Variants in FBN1 observed in about 807,000 individuals in gnomAD.
FBN1 encodes the protein fibrillin-1.
In FBN1, 29 loss-of-function variants were observed where a neutral mutation model predicts 365.1. The ratio of observed to expected loss-of-function variants is 0.08; its 90% confidence interval spans 0.06 to 0.11. The LOEUF (loss-of-function observed/expected upper bound fraction) is 0.11. Ranked by LOEUF, FBN1 falls within the 10% of genes least tolerant of loss-of-function variation. FBN1 has a pLI of 1.00. For synonymous variants in FBN1, 1,210 were observed against 1,270.5 expected (o/e 0.95, Z 1.01); for missense variants, 2,476 against 3,703.2 (o/e 0.67, Z 8.60).
chr15:48,472,905 G>A (rs556522497), intron 34 of FBN1, among the ~76,000 whole-genome samples: 12 of 152,276 alleles, frequency 7.9e-5, no homozygotes, highest in African/African-American at 2.4e-4. Flanking sequence ...TGAATAAGCC[G>A]AAGGAATCAT....
intron 27 of FBN1, 136 bp downstream of exon 27, chr15:48,487,977 C>G (rs989775215): frequency 1.8e-6 from 2 of 1,136,088 alleles, no homozygotes; most frequent in Non-Finnish European, 2.6e-6. Flanking sequence ...ACCTCAGTCT[C>G]CCTCTGTTGC....
At position 48,450,206 on chromosome 15, in the gene FBN1, T is replaced by C. The variant is rs1031260861; in HGVS notation, c.5546-1313A>G. On this transcript the variant is annotated intron_variant, in intron 45 of 65. Coordinates refer to ENST00000316623, the MANE Select transcript of FBN1 (RefSeq NM_000138.5). ...AGGAAGGGTGTCTCAGGTCCTACCATAGTTGGCCCAAAACTTTGGCACCTT... is the reference window on the plus strand; with the variant it reads ...AGGAAGGGTGTCTCAGGTCCTACCACAGTTGGCCCAAAACTTTGGCACCTT... Among the ~76,000 whole-genome samples the C allele has an allele frequency of 7.9e-5, 12 of 152,252 alleles. No homozygotes were observed. In the South Asian group the frequency reaches 1.9e-3, roughly 24 times the overall value.
At chr15:48,605,178 G>T (rs2044597488) in intron 4 of FBN1, among the ~76,000 whole-genome samples, 1 of 152,042 alleles carries the variant, frequency 6.6e-6, no homozygotes, top group Non-Finnish European at 1.5e-5. Flanking sequence ...TTACAGAAAA[G>T]AACTAGAATA....
In FBN1 at chr15:48,448,788, T is replaced by A; in HGVS notation, c.5651A>T (p.Asp1884Val). The part of the protein sequence containing the change: ...CLCHTGFKTN[D>V]DQTMCLDINE... ...CTTACCCAAGCACATGGTTTGGTCA[T>A]CATTTGTTTTAAAACCAGTGTGGCA... Residue 1884 changes from aspartate (D) to valine (V), a missense_variant, in exon 46 of 66, where the codon GAT (aspartate) becomes GTT (valine). By Grantham distance (152) the Asp-to-Val change is radical (BLOSUM62 -3). This residue lies in a region of FBN1 where 1,780 missense variants were observed against 2,840.8 expected (regional missense o/e 0.63). Coordinates refer to ENST00000316623, the MANE Select transcript of FBN1 (RefSeq NM_000138.5). 1 of 1,612,994 alleles carries A rather than the reference T, an allele frequency of 6.2e-7. No homozygotes were observed. Among genetic ancestry groups the A allele is most frequent in the Non-Finnish European group, 8.5e-7 (1 of 1,179,254 alleles).
intron 16 of FBN1, 102 bp from the exon 17 acceptor site, chr15:48,504,041 G>C: frequency 1.5e-6 from 2 of 1,369,756 alleles, no homozygotes; most frequent in Non-Finnish European, 2.1e-6. Flanking sequence ...CATCCCTGGT[G>C]TAACTCACAG....
intron 6 of FBN1, among the ~76,000 whole-genome samples, chr15:48,562,634 G>T (rs561563658): frequency 7.9e-5 from 12 of 152,244 alleles, no homozygotes; most frequent in African/African-American, 2.9e-4. Flanking sequence ...CTATTTTTTA[G>T]AGATTGCACT....
chr15:48,549,236 T>A (rs1398883316), intron 6 of FBN1, among the ~76,000 whole-genome samples: 1 of 152,218 alleles, frequency 6.6e-6, no homozygotes, highest in Non-Finnish European at 1.5e-5. Flanking sequence ...ATAAATCACA[T>A]CTGCAAGTTC....
chr15:48,520,837 T>A lies in FBN1; in HGVS notation c.989-20A>T. ...GAACATCTGAGGACAAAGAAACACA[T>A]ACACACACACACATCGCTGAGATAA... On this transcript the variant is annotated intron_variant, in intron 9 of 65. Coordinates refer to ENST00000316623, the MANE Select transcript of FBN1 (RefSeq NM_000138.5). The A allele has an allele frequency of 6.2e-7, 1 of 1,612,742 alleles. No homozygotes were observed. Among genetic ancestry groups the A allele is most frequent in the Non-Finnish European group, 8.5e-7 (1 of 1,179,140 alleles).
chr15:48,615,447 T>G (rs1225650368), intron 2 of FBN1, among the ~76,000 whole-genome samples: 1 of 152,140 alleles, frequency 6.6e-6, no homozygotes, highest in Non-Finnish European at 1.5e-5. Context: ...TTCTAAAGAT[T>G]TTCCAAGGAA....
intron 6 of FBN1, among the ~76,000 whole-genome samples, chr15:48,584,125 T>C (rs2044417723): frequency 6.6e-6 from 1 of 152,196 alleles, no homozygotes. Context: ...TTTAAAATAG[T>C]TAACATTTCT....
At position 48,465,816 on chromosome 15, in the gene FBN1, G is replaced by A; in HGVS notation, c.4790C>T (p.Pro1597Leu). The stretch of plus-strand genomic sequence containing the variant: ...TTCCAATATAACGGTGATAGGATTT[G>A]GTCGGAAACCTTCCCCTCCAGGACA... ...ILCPGGEGFRPNPITVILEDI... is the reference protein window; with the variant it reads ...ILCPGGEGFRLNPITVILEDI... The change falls in exon 39 of 66, where the codon CCA becomes CTA. Residue 1597 changes from proline (P) to leucine (L), a missense_variant. Pro to Leu is a moderately conservative substitution (Grantham distance 98). This residue lies in a region of FBN1 where 1,780 missense variants were observed against 2,840.8 expected (regional missense o/e 0.63). Coordinates refer to ENST00000316623, the MANE Select transcript of FBN1 (RefSeq NM_000138.5). The A allele has an allele frequency of 6.2e-7, 1 of 1,613,778 alleles. No homozygotes were observed. The highest frequency in any genetic ancestry group is 8.5e-7 in the Non-Finnish European group (1 of 1,179,710).
intron 60 of FBN1, among the ~76,000 whole-genome samples, chr15:48,422,921 C>T (rs566943426): frequency 5.7e-4 from 87 of 151,982 alleles, no homozygotes; most frequent in African/African-American, 2.0e-3. Context: ...AGTGAAACTT[C>T]GTCTCAAAAC....
At position 48,520,699 on chromosome 15, in the gene FBN1, C is replaced by T. The variant is rs767400389; in HGVS notation, c.1107G>A (p.Gly369=). ...CCDAGRCWSP[G]VTVAPEMCPI... Reference sequence around the variant, plus strand: ...GACACATCTCAGGGGCGACAGTGACCCCTGGAGACCAGCATCGGCCGGCAT... The same window carrying T: ...GACACATCTCAGGGGCGACAGTGACTCCTGGAGACCAGCATCGGCCGGCAT... The change falls in exon 10 of 66, where the codon GGG becomes GGA. Residue 369 remains glycine, a synonymous_variant. Coordinates refer to ENST00000316623, the MANE Select transcript of FBN1 (RefSeq NM_000138.5). The T allele has an allele frequency of 3.1e-6, 5 of 1,614,096 alleles. No individual in the cohort carries two copies. The South Asian group carries it at 4.4e-5, about 14-fold the overall frequency.
chr15:48,478,757 G>C (rs77509161), intron 32 of FBN1, among the ~76,000 whole-genome samples: 2,748 of 152,242 alleles, frequency 0.018, 70 homozygotes, highest in African/African-American at 0.059. Flanking sequence ...CAAAGCTTAC[G>C]GAGTAAAAAG....
rs3074870 is a variant in FBN1 at position 48,435,666 on chromosome 15, A to ATGTG, written c.6497-957_6497-954dup. On this transcript the variant is annotated intron_variant, in intron 53 of 65. Transcript: ENST00000316623. ...ACAAATCTTTGACCAGAGACCTAAA[A>ATGTG]TGTGTGTGTGTGTGTGTGTGTGTGC... Among the ~76,000 whole-genome samples the ATGTG allele has an allele frequency of 4.0e-3, 587 of 145,618 alleles. 13 individuals are homozygous for ATGTG. Among genetic ancestry groups the ATGTG allele is most frequent in the African/African-American group, 0.014 (542 of 39,554 alleles).
At position 48,505,122 on chromosome 15, in the gene FBN1, C is replaced by A; in HGVS notation, c.1863G>T (p.Gly621=). ...TGACGCAACGCCCATTCATGCAGAT[C>A]CCAGGGGTTTCACACTCGTTAATGT... The part of the protein sequence containing the change: ...CKDINECETP[G]ICMNGRCVNT... Residue 621 remains glycine, a synonymous_variant, in exon 16 of 66, where the codon GGG becomes GGT. Coordinates refer to ENST00000316623, the MANE Select transcript of FBN1 (RefSeq NM_000138.5). 1 of 1,614,166 alleles carries A rather than the reference C, an allele frequency of 6.2e-7. No homozygotes were observed. The highest frequency in any genetic ancestry group is 8.5e-7 in the Non-Finnish European group (1 of 1,180,010).
chr15:48,521,782 A>C (rs1253463843), intron 9 of FBN1, among the ~76,000 whole-genome samples: 1 of 152,230 alleles, frequency 6.6e-6, no homozygotes, highest in African/African-American at 2.4e-5. Context: ...CAAGTAAACT[A>C]TATCTCTACA....
At chr15:48,427,517 A>G (rs931184055) in intron 58 of FBN1, 50 bp downstream of exon 58, 2 of 1,577,592 alleles carry the variant, frequency 1.3e-6, no homozygotes, top group Non-Finnish European at 1.7e-6. Context: ...TCACACAAAA[A>G]ACAAATAAAT....
chr15:48,500,787 G>C (rs2043648106), intron 17 of FBN1, among the ~76,000 whole-genome samples: 1 of 152,126 alleles, frequency 6.6e-6, no homozygotes, highest in African/African-American at 2.4e-5. Flanking sequence ...GAGGACACAA[G>C]AGGGCTTGCT....
Sources: allele counts gnomAD v4.1 joint callset (sites outside exome capture counted in the v4.1 genomes callset), GRCh38; gene constraint gnomAD v4.1.1; regional missense constraint gnomAD v4.1.1; transcripts MANE v1.5; gene names NCBI Gene and HGNC (gene_info 2026-07-23, HGNC 2026-07-21).